Variants in SDK1 observed in about 807,000 individuals in gnomAD.
SDK1 encodes the protein protein sidekick-1.
In SDK1, 157 loss-of-function variants were observed where a neutral mutation model predicts 245.5. The observed-to-expected ratio is 0.64, with a 90% CI of 0.56 to 0.73. The LOEUF (loss-of-function observed/expected upper bound fraction) is 0.73, where lower values mean the gene tolerates loss of function less well. Among genes scored for constraint, SDK1 ranks in the 30% least tolerant of loss-of-function variants. The pLI, the probability that SDK1 is intolerant of heterozygous loss-of-function variation, is 0.00. For missense variants in SDK1, 3,583 were observed against 3,002.3 expected (o/e 1.19, Z -4.52); for synonymous variants, 1,647 against 1,278.5 (o/e 1.29, Z -6.15).
intron 34 of SDK1, among the ~76,000 whole-genome samples, chr7:4,178,048 C>G (rs1356106452): frequency 6.6e-6 from 1 of 152,228 alleles, no homozygotes; most frequent in Non-Finnish European, 1.5e-5. Flanking sequence ...CTAAGCTGAT[C>G]TGACAGGAGG....
At chr7:4,029,227 T>C (rs1267998748) in intron 17 of SDK1, among the ~76,000 whole-genome samples, 1 of 136,272 alleles carries the variant, frequency 7.3e-6, no homozygotes, top group East Asian at 2.0e-4. Flanking sequence ...TTTTTTTTTT[T>C]TTGTGAAGAA....
At chr7:4,242,943 C>A (rs527536584) in intron 43 of SDK1, among the ~76,000 whole-genome samples, 15 of 152,230 alleles carry the variant, frequency 9.9e-5, no homozygotes, top group Admixed American at 9.2e-4. Flanking sequence ...AGGTGCCAGT[C>A]CAAAGCACCG....
intron 5 of SDK1, among the ~76,000 whole-genome samples, chr7:3,894,554 T>TC (rs397947072): frequency 2.6e-5 from 4 of 151,640 alleles, no homozygotes; most frequent in African/African-American, 9.7e-5. Context: ...AGCCTCAGTT[T>TC]GCAGCCCAGA....
At chr7:3,690,036 T>A (rs567859344) in intron 4 of SDK1, among the ~76,000 whole-genome samples, 37 of 152,368 alleles carry the variant, frequency 2.4e-4, no homozygotes, top group African/African-American at 8.9e-4. Context: ...TGCAAAAATA[T>A]TCATCCATTT....
chr7:3,932,203 T>TC (rs1181250245), intron 5 of SDK1, among the ~76,000 whole-genome samples: 6 of 152,122 alleles, frequency 3.9e-5, no homozygotes, highest in African/African-American at 1.4e-4. Context: ...CAGCAGTAGC[T>TC]CCCCCCTCAC....
intron 1 of SDK1, among the ~76,000 whole-genome samples, chr7:3,548,918 G>T (rs901843137): frequency 6.6e-6 from 1 of 152,040 alleles, no homozygotes; most frequent in African/African-American, 2.4e-5. Context: ...AGCATTAATC[G>T]GAGACTTCTG....
intron 1 of SDK1, among the ~76,000 whole-genome samples, chr7:3,613,353 A>G (rs1263113917): frequency 1.3e-5 from 2 of 152,176 alleles, no homozygotes; most frequent in Non-Finnish European, 1.5e-5. Context: ...CATTAAATAC[A>G]TTTACATTGG....
intron 1 of SDK1, among the ~76,000 whole-genome samples, chr7:3,524,693 A>G (rs1284606455): frequency 6.6e-6 from 1 of 152,236 alleles, no homozygotes; most frequent in South Asian, 2.1e-4. Context: ...AGTCAACGTT[A>G]GGAGCTCACC....
intron 5 of SDK1, among the ~76,000 whole-genome samples, chr7:3,888,862 G>T (rs937074918): frequency 2.6e-5 from 4 of 152,166 alleles, no homozygotes; most frequent in Admixed American, 2.6e-4. Flanking sequence ...TATGCTATAT[G>T]TTATTTTAAT....
chr7:3,368,576 C>A (rs760825712), intron 1 of SDK1, among the ~76,000 whole-genome samples: 2 of 152,118 alleles, frequency 1.3e-5, no homozygotes, highest in Non-Finnish European at 2.9e-5. Context: ...AAGGTGTAAC[C>A]TGTGAGGACA....
At chr7:3,844,202 C>T (rs1039478414) in intron 5 of SDK1, among the ~76,000 whole-genome samples, 1 of 152,146 alleles carries the variant, frequency 6.6e-6, no homozygotes, top group Admixed American at 6.5e-5. Flanking sequence ...AGCTCCTGAC[C>T]TCAGGTGATC....
chr7:3,824,514 C>CTGTTGTTTG (rs1304384241), intron 5 of SDK1, among the ~76,000 whole-genome samples: 2 of 152,196 alleles, frequency 1.3e-5, no homozygotes, highest in Non-Finnish European at 2.9e-5. Context: ...TGCAGCCCCG[C>CTGTTGTTTG]CTCTTGTTTG....
intron 1 of SDK1, among the ~76,000 whole-genome samples, chr7:3,525,537 T>C (rs1583122603): frequency 6.6e-6 from 1 of 152,074 alleles, no homozygotes; most frequent in South Asian, 2.1e-4. Context: ...ACCTGGAAAG[T>C]GTTTTTGGTA....
At chr7:4,213,571 G>A (rs1482224449) in intron 38 of SDK1, among the ~76,000 whole-genome samples, 4 of 151,044 alleles carry the variant, frequency 2.6e-5, no homozygotes, top group East Asian at 1.9e-4. Flanking sequence ...GTGACAGAGC[G>A]AGATTCTGTC....
intron 17 of SDK1, among the ~76,000 whole-genome samples, chr7:4,019,503 A>C (rs1009010995): frequency 6.6e-6 from 1 of 152,224 alleles, no homozygotes; most frequent in East Asian, 1.9e-4. Flanking sequence ...AGTCTTCTGG[A>C]TGGGGAAATT....
At chr7:3,429,465 A>G (rs1779769328) in intron 1 of SDK1, among the ~76,000 whole-genome samples, 3 of 152,170 alleles carry the variant, frequency 2.0e-5, no homozygotes, top group Non-Finnish European at 4.4e-5. Flanking sequence ...CCCAAACATT[A>G]TGAAAAGAAG....
At chr7:3,790,877 G>A (rs1202522645) in intron 4 of SDK1, among the ~76,000 whole-genome samples, 1 of 152,044 alleles carries the variant, frequency 6.6e-6, no homozygotes, top group African/African-American at 2.4e-5. Context: ...TTGGGACAGG[G>A]GAATATTCAT....
chr7:3,854,832 T>C (rs1297475020), intron 5 of SDK1, among the ~76,000 whole-genome samples: 1 of 151,792 alleles, frequency 6.6e-6, no homozygotes, highest in Non-Finnish European at 1.5e-5. Context: ...TGGGAAGGGA[T>C]GTATTATGAG....
intron 1 of SDK1, among the ~76,000 whole-genome samples, chr7:3,558,243 AT>A (rs1266248369): frequency 6.6e-6 from 1 of 152,246 alleles, no homozygotes; most frequent in African/African-American, 2.4e-5. Context: ...GGAGTAGGCC[AT>A]AGGATCAAAG....
Sources: allele counts gnomAD v4.1 joint callset (sites outside exome capture counted in the v4.1 genomes callset), GRCh38; gene constraint gnomAD v4.1.1; transcripts MANE v1.5; gene names NCBI Gene and HGNC (gene_info 2026-07-23, HGNC 2026-07-21).